The following GLIS3 variants were observed in gnomAD, a reference collection of about 807,000 sequenced individuals.
The protein encoded by GLIS3 is zinc finger protein GLIS3.
GLIS3 carries 53 observed loss-of-function variants against 78.6 expected under a neutral mutation model. The ratio of observed to expected loss-of-function variants is 0.67; its 90% CI spans 0.54 to 0.85. The LOEUF (loss-of-function observed/expected upper bound fraction) is 0.85, where lower values mean the gene tolerates loss of function less well. Ranked by LOEUF, GLIS3 falls within the 40% of genes least tolerant of loss-of-function variation. The pLI is 0.00. For missense variants in GLIS3, 1,703 were observed against 1,231.1 expected, an observed-to-expected ratio of 1.38 and a Z score of -5.74; for synonymous variants, 684 against 509.9, an observed-to-expected ratio of 1.34 and a Z score of -4.60.
At chr9:4,144,143 G>C (rs1222745452) in intron 2 of GLIS3, among the ~76,000 whole-genome samples, 1 of 152,162 alleles carries the variant, frequency 6.6e-6, no homozygotes, top group Non-Finnish European at 1.5e-5. Flanking sequence ...GAGAAACCTT[G>C]CTCCATAAAT....
the GLIS3 span, among the ~76,000 whole-genome samples, chr9:4,404,317 G>A: frequency 1.3e-5 from 2 of 152,170 alleles, no homozygotes; most frequent in Non-Finnish European, 2.9e-5. Flanking sequence ...AGATCTGCCA[G>A]ACAGGAAATC....
chr9:3,981,785 A>G (rs900569892), intron 4 of GLIS3, among the ~76,000 whole-genome samples: 1 of 152,148 alleles, frequency 6.6e-6, no homozygotes, highest in Non-Finnish European at 1.5e-5. Flanking sequence ...CTCTTGTAGC[A>G]TATAACCTTA....
intron 2 of GLIS3, among the ~76,000 whole-genome samples, chr9:4,177,967 T>C (rs991398589): frequency 6.6e-6 from 1 of 152,232 alleles, no homozygotes. Flanking sequence ...TCCTTGATTC[T>C]TCCAGCTGAA....
chr9:4,179,288 G>A (rs1022996681), intron 2 of GLIS3, among the ~76,000 whole-genome samples: 11 of 152,158 alleles, frequency 7.2e-5, no homozygotes, highest in Non-Finnish European at 1.5e-4. Context: ...TCCCTGTGTC[G>A]AGGTTTGCCC....
intron 2 of GLIS3, among the ~76,000 whole-genome samples, chr9:4,247,370 T>A (rs529625724): frequency 7.9e-5 from 12 of 152,190 alleles, no homozygotes; most frequent in African/African-American, 2.7e-4. Context: ...AATAAAAAAA[T>A]TTCTTATTTA....
chr9:4,410,521 G>A, the GLIS3 span, among the ~76,000 whole-genome samples: 89,775 of 152,052 alleles, frequency 0.59, 27,250 homozygotes, highest in African/African-American at 0.71. Flanking sequence ...AGAATTTCAC[G>A]TAAATCAGCT....
chr9:4,331,969 G>A (rs1393061185), intron 2 of GLIS3, among the ~76,000 whole-genome samples: 1 of 152,202 alleles, frequency 6.6e-6, no homozygotes, highest in Non-Finnish European at 1.5e-5. Context: ...TAAAGCATGA[G>A]CCCTTCCTAG....
intron 1 of GLIS3, among the ~76,000 whole-genome samples, chr9:4,287,055 TA>T (rs1828062244): frequency 1.3e-5 from 2 of 152,172 alleles, no homozygotes; most frequent in African/African-American, 2.4e-5. Context: ...GATGAACACC[TA>T]GGCCTGGGAA....
At chr9:4,295,252 TG>T (rs1209137935) in intron 1 of GLIS3, among the ~76,000 whole-genome samples, 1 of 152,092 alleles carries the variant, frequency 6.6e-6, no homozygotes, top group African/African-American at 2.4e-5. Context: ...GTTGCCTTAG[TG>T]GAAGGAACGC....
intron 6 of GLIS3, 117 bp downstream of exon 6, chr9:3,932,243 A>G (rs1365042531): frequency 1.3e-6 from 1 of 777,566 alleles, no homozygotes; most frequent in East Asian, 2.7e-5. Flanking sequence ...CAAACGGTCT[A>G]AAGCAGGTTA....
intron 9 of GLIS3, among the ~76,000 whole-genome samples, chr9:3,842,574 C>A (rs1464758991): frequency 6.6e-6 from 1 of 152,046 alleles, no homozygotes. Context: ...GACTGGGGAG[C>A]CACGGTGAGA....
At chr9:4,325,676 C>A (rs1044646268) in intron 2 of GLIS3, among the ~76,000 whole-genome samples, 1 of 152,148 alleles carries the variant, frequency 6.6e-6, no homozygotes, top group African/African-American at 2.4e-5. Context: ...AGAGTTTGAG[C>A]CAAAATCAAC....
the GLIS3 span, among the ~76,000 whole-genome samples, chr9:4,463,876 T>C: frequency 6.6e-6 from 1 of 152,178 alleles, no homozygotes. Flanking sequence ...AAGCAGTCAT[T>C]TGTACGTGTG....
the GLIS3 span, among the ~76,000 whole-genome samples, chr9:4,425,626 C>G: frequency 6.6e-6 from 1 of 152,242 alleles, no homozygotes; most frequent in Non-Finnish European, 1.5e-5. Flanking sequence ...TCCTTCCAGA[C>G]AGCTGTCATC....
intron 1 of GLIS3, among the ~76,000 whole-genome samples, chr9:4,291,352 G>A (rs565012431): frequency 6.6e-6 from 1 of 152,112 alleles, no homozygotes; most frequent in Non-Finnish European, 1.5e-5. Context: ...TAATGAACAT[G>A]AGGGACCTCA....
rs763450609 is a variant in GLIS3 at position 4,286,159 on chromosome 9, T to C, written c.267A>G (p.Gln89=). The C allele has an allele frequency of 2.5e-6, 4 of 1,614,060 alleles. No homozygotes were observed. The highest frequency in any genetic ancestry group is 2.2e-5 in the South Asian group (2 of 91,080). ...ATCGCGGCTTCCCATTGGTGAGCAT[T>C]TGTCTCCTGGGGCTTAAGGCAGGCA... ...IHLPALSPRR[Q]MLTNGKPRFQ... is the part of the protein sequence containing the mutation. Residue 89 remains glutamine, a synonymous_variant, in exon 2 of 11, where the codon CAA becomes CAG. Coordinates refer to ENST00000381971, the MANE Select transcript of GLIS3 (RefSeq NM_001042413.2).
upstream of GLIS3, chr9:4,348,434 A>G (rs1038001268): frequency 3.9e-5 from 6 of 152,384 alleles, no homozygotes; most frequent in African/African-American, 1.2e-4. Flanking sequence ...CAAAAGCAAA[A>G]GAATGCTGCT....
chr9:3,858,012 C>G (rs1454833618), intron 8 of GLIS3, among the ~76,000 whole-genome samples: 1 of 152,130 alleles, frequency 6.6e-6, no homozygotes, highest in African/African-American at 2.4e-5. Flanking sequence ...CCTTAAAGAT[C>G]CCCAGAGATG....
At chr9:4,014,753 C>A (rs967808633) in intron 4 of GLIS3, among the ~76,000 whole-genome samples, 2 of 152,190 alleles carry the variant, frequency 1.3e-5, no homozygotes, top group African/African-American at 4.8e-5. Context: ...GAAACTAGTA[C>A]AGAAATCACC....
Sources: gnomAD v4.1 joint callset for allele counts (sites outside exome capture counted in the v4.1 genomes callset) on GRCh38, gnomAD v4.1.1 for gene constraint, MANE v1.5 for transcripts, NCBI Gene and HGNC (gene_info 2026-07-23, HGNC 2026-07-21) for gene names.